Variants in CCT4 observed in about 807,000 individuals in gnomAD.
CCT4 encodes the protein chaperonin containing TCP1 subunit 4, also known as T-complex protein 1 subunit delta.
CCT4 carries 17 observed loss-of-function variants against 62.5 expected under a neutral mutation model. The observed-to-expected ratio is 0.27, with a 90% CI of 0.19 to 0.41. CCT4 has a LOEUF of 0.41. Among genes scored for constraint, CCT4 ranks in the 10% least tolerant of loss-of-function variants. The pLI is 1.00. For synonymous variants in CCT4, 250 were observed against 229.9 expected (o/e 1.09, Z -0.79); for missense variants, 592 against 659.2 (o/e 0.90, Z 1.12).
intron 1 of CCT4, chr2:61,888,157 A>G (rs1215642690): frequency 5.5e-6 from 3 of 549,554 alleles, no homozygotes; most frequent in Non-Finnish European, 9.6e-6. Context: ...AAACTAAGGG[A>G]GATTAAGATG....
intron 1 of CCT4, 146 bp downstream of exon 1, chr2:61,888,235 A>C: frequency 1.0e-6 from 1 of 958,282 alleles, no homozygotes; most frequent in East Asian, 2.9e-5. Context: ...AACAGAAATA[A>C]GGATCCCTCC....
intron 8 of CCT4, among the ~76,000 whole-genome samples, chr2:61,874,402 C>G (rs768161479): frequency 2.0e-5 from 3 of 151,950 alleles, no homozygotes; most frequent in Non-Finnish European, 4.4e-5. Context: ...GGGCAGACCA[C>G]GAGGTCAGGA....
At chr2:61,869,627 G>A (rs1668842911) in intron 12 of CCT4, 74 bp from the exon 13 acceptor site, 1 of 794,148 alleles carries the variant, frequency 1.3e-6, no homozygotes, top group Non-Finnish European at 2.3e-6. Context: ...GGTTACCAGT[G>A]TACCTCAAGA....
chr2:61,871,639 A>G (rs1031092611), intron 12 of CCT4, among the ~76,000 whole-genome samples: 4 of 152,228 alleles, frequency 2.6e-5, no homozygotes, highest in Admixed American at 6.5e-5. Context: ...ATAAAAAGTG[A>G]TATTATTACC....
At chr2:61,882,119 G>C (rs927201229) in intron 3 of CCT4, among the ~76,000 whole-genome samples, 2 of 152,048 alleles carry the variant, frequency 1.3e-5, no homozygotes, top group East Asian at 1.9e-4. Context: ...TTTTAGTAGA[G>C]ATGGGGTTTC....
chr2:61,883,511 T>C lies in CCT4; in HGVS notation c.218A>G (p.Asp73Gly), dbSNP rs143384965. The part of the protein sequence containing the change: ...DGKGDVTITN[D>G]GATILKQMQV... ...CATTTGTTTCAGAATGGTAGCACCA[T>C]CATTTGTAATGGTTACATCACCTTT... is the stretch of plus-strand genomic sequence containing the variant. Residue 73 changes from aspartate (D) to glycine (G), a missense_variant, in exon 3 of 14, where the codon GAT (aspartate) becomes GGT (glycine). Asp to Gly is a moderately conservative substitution (Grantham distance 94). Transcript: ENST00000394440. 6.3e-7 allele frequency: 1 copy of C among 1,599,264 alleles called. No individual in the cohort carries two copies. The highest frequency in any genetic ancestry group is 8.5e-7 in the Non-Finnish European group (1 of 1,172,740).
chr2:61,885,146 T>TTTA (rs1669222402), intron 1 of CCT4, 74 bp from the exon 2 acceptor site: 2 of 1,182,820 alleles, frequency 1.7e-6, no homozygotes. Context: ...CTTACTATAT[T>TTTA]GTCCAGGATG....
At position 61,877,409 on chromosome 2, in the gene CCT4, T is replaced by C; in HGVS notation, c.628A>G (p.Ile210Val). Residue 210 changes from isoleucine to valine, a missense_variant, in exon 6 of 14, where the codon ATA becomes GTA. Physicochemically the swap from Ile to Val is conservative, Grantham distance 29. Coordinates refer to ENST00000394440, the MANE Select transcript of CCT4 (RefSeq NM_006430.4). Reference sequence around the variant, plus strand: ...GATGCTTACCCAAGCTTCTTAACTATTTTAATATCTCTAAGATCTACACTG... The same window carrying C: ...GATGCTTACCCAAGCTTCTTAACTACTTTAATATCTCTAAGATCTACACTG... ...ATSVDLRDIK[I>V]VKKLGGTIDD... is the part of the protein sequence containing the mutation. The C allele has an allele frequency of 6.2e-7, 1 of 1,607,050 alleles. No homozygotes were observed. Among genetic ancestry groups the C allele is most frequent in the Non-Finnish European group, 8.5e-7 (1 of 1,177,244 alleles).
At chr2:61,872,658 C>T (rs982045488) in intron 10 of CCT4, 70 bp from the exon 11 acceptor site, 34 of 1,529,156 alleles carry the variant, frequency 2.2e-5, no homozygotes, top group Admixed American at 2.1e-4. Context: ...CCGGGCACGG[C>T]GGCTCACGCC....
In CCT4 at chr2:61,888,442, GCCTTTC is replaced by G. The variant is rs775189701; in HGVS notation, c.60_65del (p.Lys21_Gly22del). The G allele has an allele frequency of 1.2e-6, 2 of 1,611,810 alleles. No homozygotes were observed. On this transcript the variant is annotated inframe_deletion, in exon 1 of 14. Transcript: ENST00000394440. ...CTGGCTTGTCGCGGTCCTGATAGGC[GCCTTTC>G]CCGCGGCCGCCGGCAGCCCCGGCAG...
chr2:61,885,171 G>T, intron 1 of CCT4, 99 bp from the exon 2 acceptor site: 1 of 835,116 alleles, frequency 1.2e-6, no homozygotes, highest in Non-Finnish European at 1.7e-6. Context: ...CAAACTCCTG[G>T]GCTCAAGCAA....
At chr2:61,885,140 C>G (rs1669221780) in intron 1 of CCT4, 68 bp from the exon 2 acceptor site, 1 of 1,263,680 alleles carries the variant, frequency 7.9e-7, no homozygotes, top group Non-Finnish European at 1.1e-6. Context: ...CAGGGTCTTA[C>G]TATATTGTCC....
intron 3 of CCT4, among the ~76,000 whole-genome samples, chr2:61,882,653 T>G (rs1242739364): frequency 6.6e-6 from 1 of 151,990 alleles, no homozygotes; most frequent in Non-Finnish European, 1.5e-5. Context: ...AGACCACAGG[T>G]GCGCACCACA....
chr2:61,887,465 C>A (rs553859272), intron 1 of CCT4, among the ~76,000 whole-genome samples: 16 of 152,130 alleles, frequency 1.1e-4, no homozygotes, highest in Admixed American at 2.0e-4. Flanking sequence ...AACATCTGCC[C>A]CAACCTAGCT....
chr2:61,873,703 C>T (rs1668934324), intron 8 of CCT4, among the ~76,000 whole-genome samples: 1 of 152,076 alleles, frequency 6.6e-6, no homozygotes, highest in Non-Finnish European at 1.5e-5. Flanking sequence ...GTGGCTGAGA[C>T]TACACGCTCC....
At position 61,872,147 on chromosome 2, in the gene CCT4, T is replaced by C. The variant is rs1005575139; in HGVS notation, c.1426A>G (p.Thr476Ala). 1.2e-6 allele frequency: 2 copies of C among 1,614,100 alleles called. No homozygotes were observed. The highest frequency in any genetic ancestry group is 1.7e-6 in the Non-Finnish European group (2 of 1,180,002). Residue 476 changes from threonine to alanine, a missense_variant, in exon 12 of 14, where the codon ACA becomes GCA. Physicochemically the swap from Thr to Ala is moderately conservative, Grantham distance 58. Transcript: ENST00000394440. Reference sequence around the variant, plus strand: ...TGCCGGTTTCTTAGTTCTGTTACTGTAGAAATGGGATTCAGGCCGGCATTT... The same window carrying C: ...TGCCGGTTTCTTAGTTCTGTTACTGCAGAAATGGGATTCAGGCCGGCATTT... The part of the protein sequence containing the change: ...AENAGLNPIS[T>A]VTELRNRHAQ...
At chr2:61,885,555 C>A (rs996726222) in intron 1 of CCT4, among the ~76,000 whole-genome samples, 1 of 152,002 alleles carries the variant, frequency 6.6e-6, no homozygotes, top group Admixed American at 6.6e-5. Context: ...GGACTACAGG[C>A]ACGTGCCACC....
intron 2 of CCT4, 58 bp from the exon 3 acceptor site, chr2:61,883,606 CTT>C: frequency 1.2e-6 from 1 of 831,260 alleles, no homozygotes; most frequent in Non-Finnish European, 1.9e-6. Context: ...TTTTATTAAA[CTT>C]TTACATTTCA....
At position 61,881,886 on chromosome 2, in the gene CCT4, T is replaced by G. The variant is rs192821028; in HGVS notation, c.271-1492A>C. ...GTATCTTTGTAAAAAAAAAAAATTT[T>G]TTAAAAGCCATCTTTACACAACTCA... On this transcript the variant is annotated intron_variant, in intron 3 of 13. Transcript: ENST00000394440. Among the ~76,000 whole-genome samples, 364 of 152,066 alleles carry G rather than the reference T, an allele frequency of 2.4e-3. 13 individuals carry two copies. Among genetic ancestry groups the G allele is most frequent in the Admixed American group, 0.022 (333 of 15,254 alleles).
Sources: allele counts gnomAD v4.1 joint callset (sites outside exome capture counted in the v4.1 genomes callset), GRCh38; gene constraint gnomAD v4.1.1; transcripts MANE v1.5; gene names NCBI Gene and HGNC (gene_info 2026-07-23, HGNC 2026-07-21).